ANKRD18A: variants seen among roughly 807,000 people sequenced by gnomAD.
The protein encoded by ANKRD18A is ankyrin repeat domain-containing protein 18A.
In ANKRD18A, 72 loss-of-function variants were observed where a neutral mutation model predicts 110.6. That is an observed-to-expected ratio of 0.65 (90% confidence interval 0.54 to 0.79). The LOEUF (loss-of-function observed/expected upper bound fraction) is 0.79, where lower values mean the gene tolerates loss of function less well. Ranked by LOEUF, ANKRD18A falls within the 30% of genes least tolerant of loss-of-function variation. The pLI, the probability that ANKRD18A is intolerant of heterozygous loss-of-function variation, is 0.00. For missense variants in ANKRD18A, 934 were observed against 1,163.3 expected (o/e 0.80, Z 2.87); for synonymous variants, 305 against 410.3 (o/e 0.74, Z 3.10).
intron 10 of ANKRD18A, among the ~76,000 whole-genome samples, chr9:38,592,270 A>C (rs1175435962): frequency 6.6e-6 from 1 of 152,372 alleles, no homozygotes; most frequent in African/African-American, 2.4e-5. Flanking sequence ...ACTATTTTCA[A>C]TTTATAGAAG....
At chr9:38,570,127 ACCAGG>A, downstream of ANKRD18A, among the ~76,000 whole-genome samples, 1 of 151,996 alleles carries the variant, frequency 6.6e-6, no homozygotes, top group East Asian at 1.9e-4. Context: ...TCCCCCATTG[ACCAGG>A]CCCCACTGAC....
chr9:38,588,721 A>C, intron 10 of ANKRD18A, 58 bp from the exon 11 acceptor site: 1 of 1,076,118 alleles, frequency 9.3e-7, no homozygotes, highest in Non-Finnish European at 1.2e-6. Flanking sequence ...CTTCTATCTT[A>C]AAAATATTAT....
intron 1 of ANKRD18A, among the ~76,000 whole-genome samples, chr9:38,619,812 G>A (rs553665063): frequency 1.4e-4 from 22 of 152,324 alleles, no homozygotes; most frequent in African/African-American, 4.3e-4. Context: ...ACAGGGGAAT[G>A]AGTTCTCATT....
chr9:38,620,008 C>T, intron 1 of ANKRD18A, 72 bp downstream of exon 1: 1 of 1,526,364 alleles, frequency 6.6e-7, no homozygotes, highest in African/African-American at 1.4e-5. Context: ...GGTCCCCGCC[C>T]CAGGGGCTGC....
downstream of ANKRD18A, among the ~76,000 whole-genome samples, chr9:38,570,635 G>C (rs1266950488): frequency 3.3e-5 from 5 of 152,200 alleles, no homozygotes; most frequent in African/African-American, 1.2e-4. Context: ...CTCTGACCAT[G>C]GTCCACTGAC....
Position 38,588,159 on chromosome 9 carries a change from G to T in ANKRD18A, c.2117+392C>A, listed in dbSNP as rs536177525. Among the ~76,000 whole-genome samples, 18 of 148,984 alleles carry T rather than the reference G, an allele frequency of 1.2e-4. No individual in the cohort carries two copies. The South Asian group carries it at 3.8e-3, about 31-fold the overall frequency. ...ATTCAAAAAAATTTCAGATTGTGTTGTAAGTTTCTTTTTTCACATATTTTT... is the reference window on the plus strand; with the variant it reads ...ATTCAAAAAAATTTCAGATTGTGTTTTAAGTTTCTTTTTTCACATATTTTT... On this transcript the variant is annotated intron_variant, in intron 11 of 15. Coordinates refer to ENST00000399703, the MANE Select transcript of ANKRD18A (RefSeq NM_147195.4).
intron 1 of ANKRD18A, among the ~76,000 whole-genome samples, chr9:38,619,222 G>A (rs758587242): frequency 4.6e-5 from 7 of 152,080 alleles, no homozygotes; most frequent in Non-Finnish European, 8.8e-5. Context: ...CATTTTGCAT[G>A]TGTAAAAATT....
At chr9:38,611,597 A>G (rs1825624922) in intron 3 of ANKRD18A, among the ~76,000 whole-genome samples, 1 of 152,144 alleles carries the variant, frequency 6.6e-6, no homozygotes, top group Non-Finnish European at 1.5e-5. Context: ...AGCACAGTCC[A>G]TTGTAATTAT....
chr9:38,610,375 G>A lies in ANKRD18A; in HGVS notation c.638C>T (p.Ser213Leu). Reference sequence around the variant, plus strand: ...TTGAAGCAGGAGGGTGACGATACTTGACAAGTTATGCTGTACTGCAAGTAT... The same window carrying A: ...TTGAAGCAGGAGGGTGACGATACTTAACAAGTTATGCTGTACTGCAAGTAT... ...ALILAVQHNL[S>L]SIVTLLLQQN... Residue 213 changes from serine to leucine, a missense_variant, in exon 5 of 16, where the codon TCA becomes TTA. By Grantham distance (145) the Ser-to-Leu change is moderately radical. Transcript: ENST00000399703. 1 of 1,550,400 alleles carries A rather than the reference G, an allele frequency of 6.4e-7. No individual in the cohort carries two copies. The highest frequency in any genetic ancestry group is 8.7e-7 in the Non-Finnish European group (1 of 1,146,596).
chr9:38,612,216 ATGTTCTGTGT>A, intron 3 of ANKRD18A, among the ~76,000 whole-genome samples: 1 of 152,354 alleles, frequency 6.6e-6, no homozygotes, highest in African/African-American at 2.4e-5. Context: ...AAAGCTCAGT[ATGTTCTGTGT>A]AAGAGAGACC....
chr9:38,611,046 G>T (rs1025283760), intron 4 of ANKRD18A, among the ~76,000 whole-genome samples, 169 bp downstream of exon 4: 2 of 151,922 alleles, frequency 1.3e-5, no homozygotes, highest in African/African-American at 4.8e-5. Context: ...TTTTTGTGTT[G>T]CTTAGTCCAA....
intron 7 of ANKRD18A, among the ~76,000 whole-genome samples, chr9:38,602,951 G>A (rs1825185929): frequency 6.6e-6 from 1 of 152,158 alleles, no homozygotes; most frequent in Non-Finnish European, 1.5e-5. Context: ...ACAGGCAGGA[G>A]CCACCGTCCC....
intron 4 of ANKRD18A, among the ~76,000 whole-genome samples, chr9:38,610,882 G>GAATAA (rs1554679315): frequency 8.8e-6 from 1 of 113,016 alleles, no homozygotes; most frequent in African/African-American, 3.7e-5. Context: ...AATAATAATG[G>GAATAA]TAATAGTAGT....
Position 38,610,344 on chromosome 9 carries a change from A to G in ANKRD18A, c.669T>C (p.Asn223=), listed in dbSNP as rs1297393460. Reference sequence around the variant, plus strand: ...ACATGTCTTGAGAAGAGATACGTATATTTTGTTGAAGCAGGAGGGTGACGA... The same window carrying G: ...ACATGTCTTGAGAAGAGATACGTATGTTTTGTTGAAGCAGGAGGGTGACGA... The part of the protein sequence containing the change: ...SSIVTLLLQQ[N]IRISSQDMFG... The change falls in exon 5 of 16, where the codon AAT becomes AAC. Residue 223 remains asparagine, a synonymous_variant. Transcript: ENST00000399703. 2.6e-6 allele frequency: 4 copies of G among 1,551,374 alleles called. No individual in the cohort carries two copies. The highest frequency in any genetic ancestry group is 2.0e-5 in the Admixed American group (1 of 50,910).
Position 38,620,351 on chromosome 9 carries a change from C to T in ANKRD18A, c.-66G>A. ...GCGGCGGCTCCTCGTGGCCTTTCCA[C>T]CCCCACTCCGCCCCAAATCCGCGAT... On this transcript the variant is annotated 5_prime_UTR_variant, in exon 1 of 16. It adds an upstream start codon to the 5' untranslated region. Transcript: ENST00000399703. 3 of 1,488,436 alleles carry T rather than the reference C, an allele frequency of 2.0e-6. No homozygotes were observed. Among genetic ancestry groups the T allele is most frequent in the Admixed American group, 2.4e-5 (1 of 42,132 alleles). The allele number at this position is 1,488,436 out of a possible 1,614,324, so 92.2% of individuals were successfully genotyped here. A position where few individuals can be genotyped will look rare whatever the true frequency, so the allele number is the denominator to read the frequency against.
chr9:38,601,299 G>A (rs1825109772), intron 7 of ANKRD18A, 95 bp from the exon 8 acceptor site: 8 of 1,176,112 alleles, frequency 6.8e-6, no homozygotes, highest in South Asian at 1.7e-5. Flanking sequence ...TATAAATTGA[G>A]AGTTTAAATG....
In ANKRD18A at chr9:38,572,914, T is replaced by C. The variant is rs1448978643; in HGVS notation, c.2965-855A>G. ...ATGATGAATTAATGATGCATAAGTA[T>C]ACTCTTCACTGTGAAAGTTTTCGTT... On this transcript the variant is annotated intron_variant, in intron 15 of 15. Transcript: ENST00000399703. The C allele has an allele frequency of 1.5e-5, 5 of 340,958 alleles. No individual in the cohort carries two copies. The South Asian group carries it at 5.1e-4, about 35-fold the overall frequency. 21.1% of individuals were successfully genotyped at this position (340,958 alleles called of 1,614,324 possible). A position where few individuals can be genotyped will look rare whatever the true frequency, so the allele number is the denominator to read the frequency against.
At chr9:38,608,217 G>A (rs1825443124) in intron 5 of ANKRD18A, among the ~76,000 whole-genome samples, 1 of 151,832 alleles carries the variant, frequency 6.6e-6, no homozygotes, top group Non-Finnish European at 1.5e-5. Context: ...CACACCAAGG[G>A]CAGAAAACTA....
At chr9:38,609,946 A>AT (rs1376265380) in intron 5 of ANKRD18A, among the ~76,000 whole-genome samples, 1 of 151,704 alleles carries the variant, frequency 6.6e-6, no homozygotes, top group Admixed American at 6.6e-5. Context: ...GTCTCAAAAA[A>AT]AAAAAAAAAA....
Sources: allele counts gnomAD v4.1 joint callset (sites outside exome capture counted in the v4.1 genomes callset), GRCh38; gene constraint gnomAD v4.1.1; transcripts MANE v1.5; gene names NCBI Gene and HGNC (gene_info 2026-07-23, HGNC 2026-07-21).